The following LRRC4C variants were observed in gnomAD, a reference collection of about 807,000 sequenced individuals.
LRRC4C encodes the protein leucine rich repeat containing 4C.
Under a neutral mutation model 33.6 loss-of-function variants are expected in LRRC4C, and 5 were observed. The observed-to-expected ratio is 0.15, with a 90% CI of 0.08 to 0.31. The LOEUF is 0.31. LRRC4C is among the 10% of genes least tolerant of loss of function. The pLI is 1.00. For synonymous variants in LRRC4C, 329 were observed against 302.0 expected (o/e 1.09, Z -0.93); for missense variants, 560 against 796.7 (o/e 0.70, Z 3.58).
At chr11:40,866,341 T>C (rs1321339991) in intron 2 of LRRC4C, among the ~76,000 whole-genome samples, 1 of 152,086 alleles carries the variant, frequency 6.6e-6, no homozygotes, top group Admixed American at 6.6e-5. Context: ...AAATGTCAAA[T>C]CTACAAAGTT....
At chr11:40,154,801 A>G (rs904441514) in intron 5 of LRRC4C, among the ~76,000 whole-genome samples, 3 of 152,232 alleles carry the variant, frequency 2.0e-5, no homozygotes, top group Non-Finnish European at 4.4e-5. Flanking sequence ...GGTTCTTAAG[A>G]CAGAAAGTCA....
At chr11:40,758,653 A>G (rs1949056629) in intron 2 of LRRC4C, among the ~76,000 whole-genome samples, 1 of 152,026 alleles carries the variant, frequency 6.6e-6, no homozygotes, top group South Asian at 2.1e-4. Flanking sequence ...AAGACTCTAG[A>G]AAAAGGAAGA....
At chr11:41,061,494 G>A (rs114842585) in intron 1 of LRRC4C, among the ~76,000 whole-genome samples, 1,818 of 152,178 alleles carry the variant, frequency 0.012, 37 homozygotes, top group African/African-American at 0.04. Flanking sequence ...ATATGTTACC[G>A]GGCACTGTGA....
intron 1 of LRRC4C, among the ~76,000 whole-genome samples, chr11:41,039,668 A>G (rs1857307068): frequency 6.6e-6 from 1 of 152,206 alleles, no homozygotes; most frequent in Admixed American, 6.5e-5. Context: ...TTAACATACC[A>G]GGAAATCTGA....
At chr11:40,415,412 G>A (rs1261653608) in intron 3 of LRRC4C, among the ~76,000 whole-genome samples, 1 of 152,170 alleles carries the variant, frequency 6.6e-6, no homozygotes, top group Non-Finnish European at 1.5e-5. Context: ...AGAGGAGATA[G>A]TGCAGTATGA....
chr11:40,895,383 A>G (rs538130859), intron 2 of LRRC4C, among the ~76,000 whole-genome samples: 2 of 151,994 alleles, frequency 1.3e-5, no homozygotes, highest in Non-Finnish European at 2.9e-5. Flanking sequence ...ACCAAAAAAA[A>G]CCCCAAAATT....
At chr11:40,927,954 A>C in intron 2 of LRRC4C, among the ~76,000 whole-genome samples, 1 of 152,168 alleles carries the variant, frequency 6.6e-6, no homozygotes, top group Non-Finnish European at 1.5e-5. Flanking sequence ...TACTTTTAGT[A>C]ATTTTTCCTA....
At chr11:40,704,685 TG>T (rs1169489982) in intron 2 of LRRC4C, among the ~76,000 whole-genome samples, 1 of 152,154 alleles carries the variant, frequency 6.6e-6, no homozygotes, top group Non-Finnish European at 1.5e-5. Flanking sequence ...TTCTGTATCA[TG>T]GGGTTATGAT....
At chr11:41,015,787 T>G (rs988238493) in intron 1 of LRRC4C, among the ~76,000 whole-genome samples, 1 of 152,126 alleles carries the variant, frequency 6.6e-6, no homozygotes, top group Non-Finnish European at 1.5e-5. Flanking sequence ...CTCAGAAACT[T>G]TCTTGTTTGC....
chr11:41,369,897 T>G (rs924016427), intron 1 of LRRC4C, among the ~76,000 whole-genome samples: 1 of 152,178 alleles, frequency 6.6e-6, no homozygotes, highest in African/African-American at 2.4e-5. Context: ...GGAGACTAAT[T>G]AAGAGGCCCT....
intron 1 of LRRC4C, among the ~76,000 whole-genome samples, chr11:41,088,520 A>ACCAGG (rs1940171806): frequency 6.6e-6 from 1 of 152,086 alleles, no homozygotes; most frequent in Non-Finnish European, 1.5e-5. Context: ...AAAAATAGTC[A>ACCAGG]CCAGGTGGCT....
intron 1 of LRRC4C, among the ~76,000 whole-genome samples, chr11:41,411,580 T>C (rs1954492718): frequency 6.6e-6 from 1 of 152,172 alleles, no homozygotes; most frequent in Non-Finnish European, 1.5e-5. Flanking sequence ...AAAACAAGAT[T>C]CTATTCTGAA....
chr11:40,867,020 A>G (rs2135905281), intron 2 of LRRC4C, among the ~76,000 whole-genome samples: 1 of 152,216 alleles, frequency 6.6e-6, no homozygotes, highest in African/African-American at 2.4e-5. Flanking sequence ...GTTTGACTGT[A>G]TATGTTCCTT....
intron 5 of LRRC4C, among the ~76,000 whole-genome samples, chr11:40,169,695 A>G (rs1010512518): frequency 6.6e-6 from 1 of 152,174 alleles, no homozygotes; most frequent in African/African-American, 2.4e-5. Flanking sequence ...AAAGGGTTGT[A>G]AGCTATGATC....
At chr11:40,833,922 A>AT (rs1952537891) in intron 2 of LRRC4C, among the ~76,000 whole-genome samples, 1 of 152,102 alleles carries the variant, frequency 6.6e-6, no homozygotes. Context: ...AAATCCTTGA[A>AT]TTTTTCATCT....
At chr11:41,059,405 G>T (rs1008713574) in intron 1 of LRRC4C, among the ~76,000 whole-genome samples, 5 of 151,976 alleles carry the variant, frequency 3.3e-5, no homozygotes, top group Admixed American at 2.0e-4. Context: ...AGAAGTTCTA[G>T]TATCTCCAGA....
intron 3 of LRRC4C, among the ~76,000 whole-genome samples, chr11:40,473,215 C>G (rs1312093168): frequency 6.6e-6 from 1 of 152,126 alleles, no homozygotes; most frequent in Non-Finnish European, 1.5e-5. Flanking sequence ...AAAATACTGG[C>G]AAACCAAATG....
intron 3 of LRRC4C, among the ~76,000 whole-genome samples, chr11:40,537,722 C>T (rs1474211235): frequency 6.6e-6 from 1 of 152,036 alleles, no homozygotes; most frequent in Non-Finnish European, 1.5e-5. Context: ...ATCTCAAAAA[C>T]CCATGATATA....
intron 2 of LRRC4C, among the ~76,000 whole-genome samples, chr11:40,911,255 G>C (rs939998898): frequency 6.6e-6 from 1 of 152,160 alleles, no homozygotes; most frequent in Admixed American, 6.5e-5. Flanking sequence ...GTCCTCAAGA[G>C]GGTCCCTGAA....
Sources: allele counts gnomAD v4.1 joint callset (sites outside exome capture counted in the v4.1 genomes callset), GRCh38; gene constraint gnomAD v4.1.1; transcripts MANE v1.5; gene names NCBI Gene and HGNC (gene_info 2026-07-23, HGNC 2026-07-21).